The following DLGAP1 variants were observed in gnomAD, a reference collection of about 807,000 sequenced individuals.
DLGAP1 encodes DLG associated protein 1.
Under a neutral mutation model 90.8 loss-of-function variants are expected in DLGAP1, and 11 were observed. That is an observed-to-expected ratio of 0.12 (90% confidence interval 0.08 to 0.20). DLGAP1 has a LOEUF of 0.20. Ranked by LOEUF, DLGAP1 falls within the 10% of genes least tolerant of loss-of-function variation. The pLI is 1.00. For missense variants in DLGAP1, 1,050 were observed against 1,333.8 expected (o/e 0.79, Z 3.31); for synonymous variants, 558 against 540.7 (o/e 1.03, Z -0.44).
chr18:3,902,917 A>C (rs533289943), intron 3 of DLGAP1, among the ~76,000 whole-genome samples: 11 of 152,162 alleles, frequency 7.2e-5, no homozygotes, highest in African/African-American at 2.6e-4. Context: ...GACTCATTCA[A>C]ATCCTGCCTC....
intron 7 of DLGAP1, among the ~76,000 whole-genome samples, chr18:3,659,414 CACACACACACACACA>C: frequency 1.4e-5 from 2 of 146,362 alleles, no homozygotes; most frequent in Admixed American, 6.8e-5. Flanking sequence ...CACACACACA[CACACACACACACACA>C]CACACGGATG....
intron 4 of DLGAP1, chr18:3,874,794 A>G: frequency 7.2e-7 from 1 of 1,383,906 alleles, no homozygotes; most frequent in Admixed American, 3.0e-5. Context: ...ACATTTAAAA[A>G]TAACAATATT....
chr18:4,072,474 CTT>C (rs10578079), intron 2 of DLGAP1, among the ~76,000 whole-genome samples: 21,179 of 143,890 alleles, frequency 0.15, 1,770 homozygotes, highest in East Asian at 0.4. Context: ...ACATCATTAT[CTT>C]TTTTTTTTTT....
chr18:4,415,454 C>T (rs919388363), intron 1 of DLGAP1, among the ~76,000 whole-genome samples: 3 of 151,824 alleles, frequency 2.0e-5, no homozygotes, highest in Non-Finnish European at 2.9e-5. Context: ...ATTGTTAAAT[C>T]GGTAAGACTT....
At chr18:3,828,133 G>T (rs1051632501) in intron 4 of DLGAP1, among the ~76,000 whole-genome samples, 1 of 152,146 alleles carries the variant, frequency 6.6e-6, no homozygotes, top group Non-Finnish European at 1.5e-5. Flanking sequence ...AATAAACACA[G>T]ACCTGCATGT....
At chr18:3,964,055 A>T (rs182511569) in intron 3 of DLGAP1, among the ~76,000 whole-genome samples, 1 of 152,294 alleles carries the variant, frequency 6.6e-6, no homozygotes, top group African/African-American at 2.4e-5. Flanking sequence ...CTATTGTTCT[A>T]CACTGCAGGA....
At chr18:3,516,562 TCA>T (rs1426656215) in intron 10 of DLGAP1, among the ~76,000 whole-genome samples, 1 of 152,184 alleles carries the variant, frequency 6.6e-6, no homozygotes, top group Non-Finnish European at 1.5e-5. Flanking sequence ...TCCTCTGTTT[TCA>T]CGCTACTGAT....
intron 7 of DLGAP1, among the ~76,000 whole-genome samples, chr18:3,644,527 C>G: frequency 6.6e-6 from 1 of 152,076 alleles, no homozygotes; most frequent in East Asian, 1.9e-4. Context: ...TCTCCTGCCT[C>G]AGCCTCCTGA....
intron 2 of DLGAP1, among the ~76,000 whole-genome samples, chr18:4,076,711 C>T (rs1420688599): frequency 1.3e-5 from 2 of 152,052 alleles, no homozygotes; most frequent in South Asian, 4.1e-4. Flanking sequence ...GCAACCTCCA[C>T]CTCCAGGGTT....
intron 4 of DLGAP1, among the ~76,000 whole-genome samples, chr18:3,860,307 T>A (rs573921983): frequency 8.7e-6 from 1 of 114,732 alleles, no homozygotes; most frequent in Non-Finnish European, 1.9e-5. Flanking sequence ...AACACTGTGT[T>A]TTTTCAGGCA....
chr18:4,385,305 G>A (rs1010140075), intron 1 of DLGAP1, among the ~76,000 whole-genome samples: 51 of 152,098 alleles, frequency 3.4e-4, no homozygotes, highest in African/African-American at 1.2e-3. Context: ...AATGAAACTT[G>A]TTCGATAATT....
At chr18:4,265,411 C>T (rs926940322) in intron 1 of DLGAP1, among the ~76,000 whole-genome samples, 1 of 151,788 alleles carries the variant, frequency 6.6e-6, no homozygotes, top group Non-Finnish European at 1.5e-5. Flanking sequence ...CCTTGTGATC[C>T]TCCTGCCTCG....
rs1034384001 is a variant in DLGAP1 at position 3,656,283 on chromosome 18, C to G, written c.1591+72852G>C. On this transcript the variant is annotated intron_variant, in intron 7 of 12. Transcript: ENST00000315677. ...AAAATAAAATAATTTTTAGTCTTAA[C>G]TAGGTCTCATGGATGTCTTCTTTTC... 3.4e-5 allele frequency: 19 copies of G among 558,532 alleles called. 1 individual carries two copies. Among genetic ancestry groups the G allele is most frequent in the Non-Finnish European group, 5.2e-5 (17 of 328,908 alleles). 34.6% of individuals were successfully genotyped at this position (558,532 alleles called of 1,614,324 possible).
intron 1 of DLGAP1, among the ~76,000 whole-genome samples, chr18:4,283,527 C>A (rs2079605112): frequency 6.6e-6 from 1 of 152,144 alleles, no homozygotes; most frequent in Non-Finnish European, 1.5e-5. Context: ...GGATTGCCAA[C>A]TCTAGTGAAA....
At chr18:4,213,226 G>T (rs2077883803) in intron 1 of DLGAP1, among the ~76,000 whole-genome samples, 2 of 152,118 alleles carry the variant, frequency 1.3e-5, no homozygotes, top group Non-Finnish European at 1.5e-5. Context: ...TTACTCTGAG[G>T]GCGAAGAGAA....
intron 9 of DLGAP1, among the ~76,000 whole-genome samples, chr18:3,549,389 G>C (rs1044673450): frequency 1.3e-5 from 2 of 150,090 alleles, no homozygotes; most frequent in Middle Eastern, 3.2e-3. Context: ...CTGGAGTGCA[G>C]TGGCGCAATC....
intron 7 of DLGAP1, among the ~76,000 whole-genome samples, chr18:3,677,063 C>T (rs1356141398): frequency 1.3e-5 from 2 of 152,240 alleles, no homozygotes; most frequent in Non-Finnish European, 2.9e-5. Context: ...TCTTCTGTAG[C>T]GACTTCAGCC....
intron 3 of DLGAP1, chr18:3,984,078 C>G (rs2073792651): frequency 6.6e-6 from 1 of 152,130 alleles, no homozygotes; most frequent in Non-Finnish European, 1.5e-5. Context: ...TGAAACTTCT[C>G]CAATTTGCAG....
At chr18:4,178,512 C>G (rs2077155939) in intron 1 of DLGAP1, among the ~76,000 whole-genome samples, 1 of 152,080 alleles carries the variant, frequency 6.6e-6, no homozygotes, top group African/African-American at 2.4e-5. Flanking sequence ...CTTTGTGTAT[C>G]TCATAGTGAC....
Sources: gnomAD v4.1 joint callset for allele counts (sites outside exome capture counted in the v4.1 genomes callset) on GRCh38, gnomAD v4.1.1 for gene constraint, MANE v1.5 for transcripts, NCBI Gene and HGNC (gene_info 2026-07-23, HGNC 2026-07-21) for gene names.